COL4A2: variants seen among roughly 807,000 people sequenced by gnomAD.
COL4A2 encodes collagen type IV alpha 2 chain.
A neutral mutation model predicts 200.2 loss-of-function variants in COL4A2; 99 were observed. That is an observed-to-expected ratio of 0.49 (90% CI 0.42 to 0.58). The LOEUF is 0.58. Among genes scored for constraint, COL4A2 ranks in the 20% least tolerant of loss-of-function variants. COL4A2 has a pLI of 0.00. For missense variants in COL4A2, 1,950 were observed against 2,314.1 expected (o/e 0.84, Z 3.23); for synonymous variants, 897 against 900.6 (o/e 1.00, Z 0.07).
At position 110,450,421 on chromosome 13, in the gene COL4A2, C is replaced by A. The variant is rs570728234; in HGVS notation, c.1306C>A (p.Pro436Thr). The change falls in exon 20 of 48, where the codon CCC (proline) becomes ACC (threonine). Residue 436 changes from proline (P) to threonine (T), a missense_variant. Pro to Thr is a conservative substitution (Grantham distance 38). Coordinates refer to ENST00000360467, the MANE Select transcript of COL4A2 (RefSeq NM_001846.4). The part of the protein sequence containing the change: ...GPDGKRGPPG[P>T]PGLPGPPGPD... ...TGATGGAAAGCGAGGGCCTCCAGGA[C>A]CCCCCGGGCTCCCTGGACCACCTGG... The A allele has an allele frequency of 4.6e-5, 74 of 1,613,320 alleles. No homozygotes were observed. The highest frequency in any genetic ancestry group is 6.0e-5 in the Non-Finnish European group (71 of 1,179,728).
At chr13:110,511,393 A>AC (rs1467975599) in intron 47 of COL4A2, among the ~76,000 whole-genome samples, 3 of 152,078 alleles carry the variant, frequency 2.0e-5, no homozygotes, top group Non-Finnish European at 4.4e-5. Context: ...AAAAAAAAAA[A>AC]TAAAACCACT....
At chr13:110,396,370 A>G (rs1879181809) in intron 4 of COL4A2, among the ~76,000 whole-genome samples, 1 of 152,250 alleles carries the variant, frequency 6.6e-6, no homozygotes, top group Admixed American at 6.5e-5. Flanking sequence ...TAAGAGGGAC[A>G]AGATGGTTCC....
At chr13:110,371,116 G>A (rs2139401691) in intron 4 of COL4A2, among the ~76,000 whole-genome samples, 1 of 152,360 alleles carries the variant, frequency 6.6e-6, no homozygotes, top group African/African-American at 2.4e-5. Context: ...TGATCACAAA[G>A]ATGAATAAGA....
At chr13:110,379,361 G>A (rs1045634268) in intron 4 of COL4A2, among the ~76,000 whole-genome samples, 17 of 152,332 alleles carry the variant, frequency 1.1e-4, no homozygotes, top group African/African-American at 3.1e-4. Flanking sequence ...AGGTGCACCC[G>A]AGGGAAAGCC....
intron 4 of COL4A2, among the ~76,000 whole-genome samples, chr13:110,380,137 A>G (rs185029128): frequency 1.3e-5 from 2 of 152,200 alleles, no homozygotes; most frequent in African/African-American, 4.8e-5. Context: ...ACTTCACCAA[A>G]GAGCACATTA....
At chr13:110,503,018 C>G (rs1883704166) in intron 41 of COL4A2, 103 bp from the exon 42 acceptor site, 1 of 1,069,426 alleles carries the variant, frequency 9.4e-7, no homozygotes, top group Non-Finnish European at 1.4e-6. Flanking sequence ...ATGCCACAGA[C>G]TTGCCAGAGA....
chr13:110,470,434 G>C (rs947454006), intron 28 of COL4A2, among the ~76,000 whole-genome samples: 1 of 152,080 alleles, frequency 6.6e-6, no homozygotes, highest in African/African-American at 2.4e-5. Context: ...AGTTCTCACC[G>C]GGCTGTTCCT....
At chr13:110,442,887 G>A (rs921149299) in intron 16 of COL4A2, among the ~76,000 whole-genome samples, 14 of 68,412 alleles carry the variant, frequency 2.0e-4, no homozygotes, top group South Asian at 1.5e-3. Flanking sequence ...AAAAGTGTTC[G>A]TTGAGACCTA....
chr13:110,381,534 T>TA (rs1878493176), intron 4 of COL4A2, among the ~76,000 whole-genome samples: 1 of 152,206 alleles, frequency 6.6e-6, no homozygotes, highest in African/African-American at 2.4e-5. Context: ...GGTGGGTCCT[T>TA]ATGACCCTAT....
rs1197981980 is a variant in COL4A2 at position 110,438,802 on chromosome 13, ACC to A, written c.912+142_912+143del. ...TAGAGATTTCCCGTTATTACTCCCCACCCCCCCCCACACACACACACAGCAGC... is the reference window on the plus strand; with the variant it reads ...TAGAGATTTCCCGTTATTACTCCCCACCCCCCCACACACACACACAGCAGC... On this transcript the variant is annotated intron_variant, in intron 15 of 47. Coordinates refer to ENST00000360467, the MANE Select transcript of COL4A2 (RefSeq NM_001846.4). The A allele has an allele frequency of 3.5e-3, 2,025 of 572,400 alleles. 2 individuals carry two copies. Among genetic ancestry groups the A allele is most frequent in the East Asian group, 9.7e-3 (277 of 28,420 alleles). 35.5% of individuals were successfully genotyped at this position (572,400 alleles called of 1,614,324 possible).
In COL4A2 at chr13:110,437,473, C is replaced by T. The variant is rs543091391; in HGVS notation, c.826-529C>T. Among the ~76,000 whole-genome samples, 291 of 152,270 alleles carry T rather than the reference C, an allele frequency of 1.9e-3. 2 individuals carry two copies. The highest frequency in any genetic ancestry group is 5.8e-3 in the South Asian group (28 of 4,818). On this transcript the variant is annotated intron_variant, in intron 13 of 47. Transcript: ENST00000360467. ...TCAGAAATGACGGGGACAAAGGACC[C>T]GCCAATTGCTGTTTCTTTCACCATT...
At chr13:110,388,371 A>G (rs1278415462) in intron 4 of COL4A2, among the ~76,000 whole-genome samples, 5 of 152,108 alleles carry the variant, frequency 3.3e-5, no homozygotes, top group Non-Finnish European at 2.9e-5. Flanking sequence ...ACTACTTGAA[A>G]AGGGAAGGTT....
intron 45 of COL4A2, among the ~76,000 whole-genome samples, chr13:110,505,855 G>A (rs759619920): frequency 1.5e-4 from 23 of 152,172 alleles, no homozygotes; most frequent in African/African-American, 3.4e-4. Flanking sequence ...CACTTCCAAC[G>A]CCAGGCACGT....
chr13:110,466,605 G>A (rs528889057), intron 26 of COL4A2, among the ~76,000 whole-genome samples: 2 of 152,340 alleles, frequency 1.3e-5, no homozygotes, highest in East Asian at 3.9e-4. Flanking sequence ...GGTTCACTCT[G>A]AAAGTAAACA....
intron 4 of COL4A2, among the ~76,000 whole-genome samples, chr13:110,389,958 G>A (rs1420607418): frequency 2.6e-5 from 4 of 151,992 alleles, no homozygotes; most frequent in Non-Finnish European, 4.4e-5. Context: ...TCCTAAGTTC[G>A]ATAATAGCAT....
At chr13:110,430,513 CTT>C in intron 9 of COL4A2, 30 bp from the exon 10 acceptor site, 1 of 1,614,214 alleles carries the variant, frequency 6.2e-7, no homozygotes, top group Non-Finnish European at 8.5e-7. Context: ...GTTTACCTCT[CTT>C]AAAAACATTC....
At chr13:110,356,037 C>T (rs930558593) in intron 3 of COL4A2, among the ~76,000 whole-genome samples, 1 of 152,286 alleles carries the variant, frequency 6.6e-6, no homozygotes, top group Middle Eastern at 3.4e-3. Flanking sequence ...TTGCCATCAT[C>T]TCAAAACGTT....
intron 29 of COL4A2, among the ~76,000 whole-genome samples, chr13:110,474,554 G>A (rs1371111358): frequency 8.2e-6 from 1 of 122,296 alleles, no homozygotes; most frequent in Non-Finnish European, 1.8e-5. Context: ...GTGCATGCAT[G>A]CACACACACA....
chr13:110,328,905 C>A (rs572858432), intron 3 of COL4A2, among the ~76,000 whole-genome samples: 94 of 152,328 alleles, frequency 6.2e-4, no homozygotes, highest in Non-Finnish European at 1.1e-3. Flanking sequence ...GAGAAAATTA[C>A]ATGACTCACT....
Sources: allele counts gnomAD v4.1 joint callset (sites outside exome capture counted in the v4.1 genomes callset), GRCh38; gene constraint gnomAD v4.1.1; transcripts MANE v1.5; gene names NCBI Gene and HGNC (gene_info 2026-07-23, HGNC 2026-07-21).